The following RBFOX1 variants were observed in gnomAD, a reference collection of about 807,000 sequenced individuals.
RBFOX1 encodes the protein RNA binding protein fox-1 homolog 1.
A neutral mutation model predicts 57.7 loss-of-function variants in RBFOX1; 8 were observed. The ratio of observed to expected loss-of-function variants is 0.14; its 90% confidence interval spans 0.08 to 0.25. RBFOX1 has a LOEUF of 0.25. RBFOX1 is among the 10% of genes least tolerant of loss of function. The pLI is 1.00. For missense variants in RBFOX1, 611 were observed against 548.5 expected (o/e 1.11, Z -1.14); for synonymous variants, 326 against 222.4 (o/e 1.47, Z -4.15).
chr16:5,851,683 G>T (rs1039786709), intron 3 of RBFOX1, among the ~76,000 whole-genome samples: 1 of 152,230 alleles, frequency 6.6e-6, no homozygotes, highest in Non-Finnish European at 1.5e-5. Context: ...CAAAGGTTCT[G>T]AGCATTCCTT....
chr16:5,864,853 G>A (rs2057310332), intron 3 of RBFOX1, among the ~76,000 whole-genome samples: 1 of 152,142 alleles, frequency 6.6e-6, no homozygotes. Flanking sequence ...CACAGGCCCT[G>A]CCACTCCCTA....
intron 3 of RBFOX1, among the ~76,000 whole-genome samples, chr16:6,910,531 C>G (rs574072532): frequency 6.6e-6 from 1 of 152,314 alleles, no homozygotes; most frequent in Admixed American, 6.5e-5. Context: ...CCTTGTAGTT[C>G]TGGAGGTCAG....
At chr16:5,485,442 G>C (rs2069699840) in intron 2 of RBFOX1, among the ~76,000 whole-genome samples, 1 of 70,178 alleles carries the variant, frequency 1.4e-5, no homozygotes, top group Non-Finnish European at 3.4e-5. Context: ...GAGATCATCA[G>C]TACCATTTTA....
chr16:5,945,339 C>T (rs1219611595), intron 4 of RBFOX1, among the ~76,000 whole-genome samples: 1 of 152,148 alleles, frequency 6.6e-6, no homozygotes, highest in African/African-American at 2.4e-5. Flanking sequence ...GGGTGAGTTA[C>T]AATAAAGGTA....
chr16:5,717,082 T>C (rs193177837), intron 3 of RBFOX1, among the ~76,000 whole-genome samples: 1 of 152,306 alleles, frequency 6.6e-6, no homozygotes, highest in African/African-American at 2.4e-5. Flanking sequence ...TTAGAAATTC[T>C]TGGAGGTGCT....
At chr16:6,486,394 C>G (rs1163159878) in intron 2 of RBFOX1, among the ~76,000 whole-genome samples, 1 of 151,822 alleles carries the variant, frequency 6.6e-6, no homozygotes, top group African/African-American at 2.4e-5. Flanking sequence ...AATGAAAAGT[C>G]ATCTAAAAGA....
At chr16:7,125,356 A>C (rs2068236223) in intron 4 of RBFOX1, among the ~76,000 whole-genome samples, 1 of 152,222 alleles carries the variant, frequency 6.6e-6, no homozygotes, top group Non-Finnish European at 1.5e-5. Context: ...TTAGATCCTC[A>C]GCAGAGTGCC....
intron 1 of RBFOX1, among the ~76,000 whole-genome samples, chr16:6,120,931 G>A (rs1293760255): frequency 6.6e-6 from 1 of 152,196 alleles, no homozygotes; most frequent in Non-Finnish European, 1.5e-5. Flanking sequence ...GTCTGGGGCT[G>A]TTGTGTGAAA....
intron 4 of RBFOX1, among the ~76,000 whole-genome samples, chr16:7,113,342 A>G (rs925367442): frequency 2.0e-5 from 3 of 152,158 alleles, no homozygotes; most frequent in Non-Finnish European, 2.9e-5. Flanking sequence ...CAATATAATG[A>G]AAAACACTGT....
At chr16:7,230,138 C>T (rs950498876) in intron 4 of RBFOX1, among the ~76,000 whole-genome samples, 9 of 150,906 alleles carry the variant, frequency 6.0e-5, no homozygotes, top group South Asian at 2.1e-4. Flanking sequence ...GAAGGAAGGC[C>T]TCCTCATCCT....
At chr16:6,660,166 G>T (rs917854093) in intron 3 of RBFOX1, among the ~76,000 whole-genome samples, 1 of 151,458 alleles carries the variant, frequency 6.6e-6, no homozygotes, top group Non-Finnish European at 1.5e-5. Context: ...AGAGGTTGCA[G>T]TGAGCTGAGA....
intron 4 of RBFOX1, among the ~76,000 whole-genome samples, chr16:7,223,728 A>AAT (rs1567780065): frequency 1.3e-5 from 2 of 150,936 alleles, no homozygotes; most frequent in African/African-American, 4.9e-5. Flanking sequence ...AAAAAAAAAA[A>AAT]AAAGAAAAAG....
intron 2 of RBFOX1, among the ~76,000 whole-genome samples, chr16:6,364,981 C>T (rs563449548): frequency 6.6e-6 from 1 of 152,152 alleles, no homozygotes; most frequent in Admixed American, 6.5e-5. Flanking sequence ...TCAATATGGG[C>T]ATATGACAGT....
intron 3 of RBFOX1, among the ~76,000 whole-genome samples, chr16:6,999,069 A>G (rs1033840639): frequency 2.7e-5 from 4 of 150,916 alleles, no homozygotes; most frequent in African/African-American, 7.3e-5. Flanking sequence ...GGGTTTCACC[A>G]TGTTGGCCAA....
chr16:7,146,668 G>A (rs758162336), intron 4 of RBFOX1, among the ~76,000 whole-genome samples: 10 of 152,064 alleles, frequency 6.6e-5, no homozygotes, highest in Non-Finnish European at 1.5e-4. Context: ...TAACAATGCG[G>A]CTGGGTGCAG....
chr16:7,664,853 C>T (rs2068766017), intron 12 of RBFOX1, 76 bp from the exon 13 acceptor site: 5 of 1,612,588 alleles, frequency 3.1e-6, no homozygotes, highest in Non-Finnish European at 2.5e-6. Flanking sequence ...ACTAACCTCG[C>T]CAGTGCAGGG....
At chr16:5,793,194 A>C (rs1016876215) in intron 3 of RBFOX1, among the ~76,000 whole-genome samples, 5 of 152,170 alleles carry the variant, frequency 3.3e-5, no homozygotes, top group Non-Finnish European at 4.4e-5. Context: ...GCCTCTGAGA[A>C]GTGCTTAGAG....
chr16:6,749,741 A>G (rs1008193814), intron 3 of RBFOX1, among the ~76,000 whole-genome samples: 3 of 152,198 alleles, frequency 2.0e-5, no homozygotes, highest in African/African-American at 7.2e-5. Context: ...TAAGAATAAC[A>G]GCGACTTGGA....
At position 6,038,791 on chromosome 16, in the gene RBFOX1, C is replaced by T. The variant is rs1318276747; in HGVS notation, c.-127+18799C>T. On this transcript the variant is annotated intron_variant, in intron 1 of 15. Coordinates refer to ENST00000550418, the MANE Select transcript of RBFOX1 (RefSeq NM_018723.4). ...CAGAAAAGCTAAGTGGAATTATTTA[C>T]CACTTGGGTTGGATTTTTGGTTATC... is the stretch of plus-strand genomic sequence containing the variant. 4.1e-5 allele frequency: 6 copies of T among 146,014 alleles called. No homozygotes were observed. In the East Asian group the frequency reaches 1.2e-3, roughly 29 times the overall value. 9.0% of individuals were successfully genotyped at this position (146,014 alleles called of 1,614,324 possible).
Sources: allele counts gnomAD v4.1 joint callset (sites outside exome capture counted in the v4.1 genomes callset), GRCh38; gene constraint gnomAD v4.1.1; transcripts MANE v1.5; gene names NCBI Gene and HGNC (gene_info 2026-07-23, HGNC 2026-07-21).